WDPCP: variants seen among roughly 807,000 people sequenced by gnomAD.
WDPCP encodes WD repeat containing planar cell polarity effector.
A neutral mutation model predicts 93.1 loss-of-function variants in WDPCP; 71 were observed. The observed-to-expected ratio is 0.76, with a 90% confidence interval of 0.63 to 0.93. WDPCP has a LOEUF of 0.93. Ranked by LOEUF, WDPCP falls within the 40% of genes least tolerant of loss-of-function variation. The pLI, the probability that WDPCP is intolerant of heterozygous loss-of-function variation, is 0.00. For missense variants in WDPCP, 844 were observed against 887.4 expected (o/e 0.95, Z 0.62); for synonymous variants, 315 against 315.0 (o/e 1.00, Z 0.00).
At chr2:63,807,322 G>C (rs1670782341) in intron 2 of WDPCP, among the ~76,000 whole-genome samples, 1 of 152,200 alleles carries the variant, frequency 6.6e-6, no homozygotes, top group Non-Finnish European at 1.5e-5. Flanking sequence ...GATAATGAGT[G>C]AGTTCCAGCT....
chr2:63,233,122 T>C (rs561329166), intron 14 of WDPCP: 7 of 156,496 alleles, frequency 4.5e-5, no homozygotes, highest in African/African-American at 1.4e-4. Flanking sequence ...ATTGCAGCAA[T>C]GTGACAGCCA....
intron 1 of WDPCP, among the ~76,000 whole-genome samples, chr2:63,508,834 G>C (rs1211520514): frequency 6.6e-6 from 1 of 152,138 alleles, no homozygotes; most frequent in East Asian, 1.9e-4. Context: ...AAAAGACAAA[G>C]AAGGGCATTA....
At chr2:63,588,782 A>G, upstream of WDPCP, 1 of 559,360 alleles carries the variant, frequency 1.8e-6, no homozygotes, top group South Asian at 2.1e-5. Flanking sequence ...CTACTTTGCA[A>G]TCGGCGCAGA....
intron 2 of WDPCP, among the ~76,000 whole-genome samples, chr2:63,669,933 T>G (rs957381536): frequency 2.6e-5 from 4 of 152,132 alleles, no homozygotes; most frequent in African/African-American, 9.7e-5. Flanking sequence ...CTCAGGGAAG[T>G]TTTTTATTTT....
At chr2:63,350,185 C>G (rs1165873060) in intron 12 of WDPCP, among the ~76,000 whole-genome samples, 1 of 152,118 alleles carries the variant, frequency 6.6e-6, no homozygotes. Context: ...CAAACTATCA[C>G]AAGGACAGAA....
chr2:63,543,387 A>G (rs1704893397), intron 1 of WDPCP, among the ~76,000 whole-genome samples: 1 of 152,154 alleles, frequency 6.6e-6, no homozygotes, highest in South Asian at 2.1e-4. Context: ...TTGTGCTTCA[A>G]AAATATTGAA....
At chr2:63,286,175 A>T (rs912692167) in intron 13 of WDPCP, among the ~76,000 whole-genome samples, 14 of 152,052 alleles carry the variant, frequency 9.2e-5, no homozygotes, top group Non-Finnish European at 1.2e-4. Flanking sequence ...TCAAATTTTT[A>T]AATTTTCTAA....
At chr2:63,376,586 T>C (rs1474769429) in intron 12 of WDPCP, among the ~76,000 whole-genome samples, 2 of 151,880 alleles carry the variant, frequency 1.3e-5, no homozygotes, top group Non-Finnish European at 2.9e-5. Context: ...CTTTCACCTT[T>C]TTGGGCTCTT....
intron 17 of WDPCP, among the ~76,000 whole-genome samples, chr2:63,129,943 T>G (rs1232340864): frequency 6.6e-6 from 1 of 152,206 alleles, no homozygotes; most frequent in African/African-American, 2.4e-5. Flanking sequence ...AAAAAGTCTG[T>G]ACATGTTTAG....
At chr2:63,545,215 G>A (rs1183225532) in intron 1 of WDPCP, among the ~76,000 whole-genome samples, 1 of 152,042 alleles carries the variant, frequency 6.6e-6, no homozygotes, top group East Asian at 1.9e-4. Context: ...AACCTCCAGT[G>A]TTGAAAGCCA....
chr2:63,709,516 C>T (rs1022329435), intron 2 of WDPCP, among the ~76,000 whole-genome samples: 2 of 152,084 alleles, frequency 1.3e-5, no homozygotes, highest in African/African-American at 2.4e-5. Context: ...TTTCAAGCCA[C>T]CAGAAATACA....
intron 9 of WDPCP, among the ~76,000 whole-genome samples, chr2:63,427,681 A>C (rs1696426590): frequency 6.6e-6 from 1 of 152,220 alleles, no homozygotes; most frequent in Non-Finnish European, 1.5e-5. Context: ...AACTAGTAAA[A>C]AAATAACAAA....
At chr2:63,497,450 G>A (rs886797295) in intron 1 of WDPCP, among the ~76,000 whole-genome samples, 4 of 152,090 alleles carry the variant, frequency 2.6e-5, no homozygotes, top group Non-Finnish European at 4.4e-5. Context: ...ACAGGGGAGC[G>A]GGAGGAAGAT....
chr2:63,278,789 G>A (rs1209070984), intron 13 of WDPCP, among the ~76,000 whole-genome samples: 1 of 152,188 alleles, frequency 6.6e-6, no homozygotes, highest in Non-Finnish European at 1.5e-5. Flanking sequence ...TCATGCCACT[G>A]CACTCCAGCC....
chr2:63,791,835 CA>C (rs1350715786), intron 2 of WDPCP, among the ~76,000 whole-genome samples: 2 of 152,134 alleles, frequency 1.3e-5, no homozygotes, highest in Non-Finnish European at 2.9e-5. Context: ...CCTATTATCT[CA>C]TCTGCAAAAA....
chr2:63,655,183 G>A (rs1710152501), intron 2 of WDPCP, among the ~76,000 whole-genome samples: 3 of 152,194 alleles, frequency 2.0e-5, no homozygotes, highest in African/African-American at 7.2e-5. Context: ...CACAAAGAAA[G>A]TGTGGCTCAT....
intron 2 of WDPCP, among the ~76,000 whole-genome samples, chr2:63,666,282 G>C (rs553158580): frequency 6.6e-6 from 1 of 152,268 alleles, no homozygotes; most frequent in East Asian, 1.9e-4. Context: ...AGCTCAAATA[G>C]AGCAAATTCA....
intron 9 of WDPCP, among the ~76,000 whole-genome samples, chr2:63,411,503 C>G (rs1426682671): frequency 6.6e-6 from 1 of 151,998 alleles, no homozygotes. Context: ...AACCCAAACC[C>G]AGCAGAAGAA....
At chr2:63,453,749 G>A (rs1575449122) in intron 6 of WDPCP, among the ~76,000 whole-genome samples, 1 of 152,056 alleles carries the variant, frequency 6.6e-6, no homozygotes, top group South Asian at 2.1e-4. Flanking sequence ...ACACACCAAG[G>A]AATACTATGC....
Sources: gnomAD v4.1 joint callset for allele counts (sites outside exome capture counted in the v4.1 genomes callset) on GRCh38, gnomAD v4.1.1 for gene constraint, MANE v1.5 for transcripts, NCBI Gene and HGNC (gene_info 2026-07-23, HGNC 2026-07-21) for gene names.